MYO18B: variants seen among roughly 807,000 people sequenced by gnomAD.
The protein encoded by MYO18B is myosin XVIIIB.
Under a neutral mutation model 273.0 loss-of-function variants are expected in MYO18B, and 204 were observed. The observed-to-expected ratio is 0.75, with a 90% CI of 0.67 to 0.84. MYO18B has a LOEUF of 0.84. Among genes scored for constraint, MYO18B ranks in the 40% least tolerant of loss-of-function variants. The pLI is 0.00. For synonymous variants in MYO18B, 1,330 were observed against 1,305.7 expected (o/e 1.02, Z -0.40); for missense variants, 3,212 against 3,287.6 (o/e 0.98, Z 0.56).
intron 39 of MYO18B, among the ~76,000 whole-genome samples, chr22:25,956,492 A>G (rs970499504): frequency 6.6e-6 from 1 of 152,170 alleles, no homozygotes; most frequent in Non-Finnish European, 1.5e-5. Flanking sequence ...CTAGGATTAC[A>G]AGTGTGAGCC....
intron 18 of MYO18B, among the ~76,000 whole-genome samples, chr22:25,844,452 C>T (rs76535290): frequency 0.027 from 4,093 of 152,214 alleles, 56 homozygotes; most frequent in Non-Finnish European, 0.037. Context: ...GAAACTGAGA[C>T]GACCAGGGAG....
chr22:25,769,700 C>T (rs183731598), intron 4 of MYO18B, among the ~76,000 whole-genome samples: 41 of 152,230 alleles, frequency 2.7e-4, no homozygotes, highest in African/African-American at 9.4e-4. Context: ...TGTCTCCTCA[C>T]GGCTGACATG....
chr22:25,752,192 T>A (rs1372026110), intron 1 of MYO18B, among the ~76,000 whole-genome samples: 1 of 71,542 alleles, frequency 1.4e-5, no homozygotes, highest in African/African-American at 6.6e-5. Context: ...TAATTAATTT[T>A]TTTTTTTTTT....
At chr22:26,008,505 T>C (rs1210668509) in intron 42 of MYO18B, among the ~76,000 whole-genome samples, 1 of 152,212 alleles carries the variant, frequency 6.6e-6, no homozygotes, top group African/African-American at 2.4e-5. Context: ...AGCAGTCTTC[T>C]GCCAACAAAA....
Position 25,770,182 on chromosome 22 carries a change from T to G in MYO18B, c.1579+6T>G. ...GAAGGATGGATTTACTCTTGGTAAGTAGGGGTGTTAGCACCTTTGGAGGGT... is the reference window on the plus strand; with the variant it reads ...GAAGGATGGATTTACTCTTGGTAAGGAGGGGTGTTAGCACCTTTGGAGGGT... On this transcript the variant is annotated splice_donor_region_variant and intron_variant, in intron 5 of 43. Coordinates refer to ENST00000335473, the MANE Select transcript of MYO18B (RefSeq NM_032608.7). 6.2e-7 allele frequency: 1 copy of G among 1,613,816 alleles called. No homozygotes were observed. The highest frequency in any genetic ancestry group is 8.5e-7 in the Non-Finnish European group (1 of 1,179,748).
chr22:25,974,599 G>A (rs1383997698), intron 39 of MYO18B, among the ~76,000 whole-genome samples: 1 of 152,182 alleles, frequency 6.6e-6, no homozygotes, highest in African/African-American at 2.4e-5. Flanking sequence ...TGTCATTATA[G>A]CATGAAAGAA....
At chr22:25,816,127 A>G (rs1056452821) in intron 12 of MYO18B, among the ~76,000 whole-genome samples, 1 of 152,184 alleles carries the variant, frequency 6.6e-6, no homozygotes, top group Non-Finnish European at 1.5e-5. Flanking sequence ...TCTAAGAATG[A>G]GAAGGTTACA....
At chr22:25,912,244 C>G (rs138937155) in intron 33 of MYO18B, among the ~76,000 whole-genome samples, 18 of 152,270 alleles carry the variant, frequency 1.2e-4, no homozygotes, top group Admixed American at 1.1e-3. Context: ...TCCTTCTTCT[C>G]TGGGTTTTCT....
chr22:25,763,676 A>C lies in MYO18B; in HGVS notation c.198+287A>C, dbSNP rs133886. ...GTTGGCATAGTACTTATTTGATTATATGACTTATTTGACTAGAAATTCCTT... is the reference window on the plus strand; with the variant it reads ...GTTGGCATAGTACTTATTTGATTATCTGACTTATTTGACTAGAAATTCCTT... On this transcript the variant is annotated intron_variant, in intron 3 of 43. Transcript: ENST00000335473. Among the ~76,000 whole-genome samples, 37,499 of 152,070 alleles carry C rather than the reference A, an allele frequency of 0.25. 4,927 individuals are homozygous for C. The highest frequency in any genetic ancestry group is 0.33 in the African/African-American group (13,723 of 41,456).
intron 34 of MYO18B, 115 bp downstream of exon 34, chr22:25,921,524 C>G: frequency 4.6e-6 from 6 of 1,303,864 alleles, no homozygotes; most frequent in Non-Finnish European, 6.3e-6. Context: ...CCAACTTTCA[C>G]AGATGTGCAG....
At chr22:25,751,921 A>T (rs949626343) in intron 1 of MYO18B, among the ~76,000 whole-genome samples, 8 of 152,176 alleles carry the variant, frequency 5.3e-5, no homozygotes, top group African/African-American at 1.9e-4. Context: ...GTTACCAGGG[A>T]TCCAGCACAT....
At chr22:26,001,086 T>A (rs1167634196) in intron 40 of MYO18B, among the ~76,000 whole-genome samples, 1 of 152,160 alleles carries the variant, frequency 6.6e-6, no homozygotes, top group East Asian at 1.9e-4. Flanking sequence ...ACTGTTTTTT[T>A]TTTCTCCCAC....
At chr22:25,890,383 G>A (rs1033893114) in intron 25 of MYO18B, among the ~76,000 whole-genome samples, 2 of 152,170 alleles carry the variant, frequency 1.3e-5, no homozygotes, top group Non-Finnish European at 2.9e-5. Flanking sequence ...AGCTGGTTAC[G>A]AAGAGATTCC....
rs191974883 is a variant in MYO18B, at chr22:26,022,321, G to A, written c.6471-4124G>A. On this transcript the variant is annotated intron_variant, in intron 42 of 43. Transcript: ENST00000335473. Reference sequence around the variant, plus strand: ...GTCCCCGGATGAAGTCAGACAGGATGTGTTTGAAGTGTCCAGTGCTGGGAC... The same window carrying A: ...GTCCCCGGATGAAGTCAGACAGGATATGTTTGAAGTGTCCAGTGCTGGGAC... 2.2e-3 allele frequency among the ~76,000 whole-genome samples: 338 copies of A among 151,854 alleles called. 4 individuals carry two copies. The South Asian group carries it at 0.024, about 11-fold the overall frequency.
chr22:25,849,784 G>C (rs1342773227), intron 20 of MYO18B, among the ~76,000 whole-genome samples: 1 of 152,212 alleles, frequency 6.6e-6, no homozygotes, highest in Non-Finnish European at 1.5e-5. Flanking sequence ...GCTGAAGGCT[G>C]CTATGGGGCT....
intron 12 of MYO18B, among the ~76,000 whole-genome samples, chr22:25,801,708 C>G (rs116883690): frequency 0.02 from 3,055 of 152,300 alleles, 46 homozygotes; most frequent in Non-Finnish European, 0.034. Context: ...TCTCATTTTC[C>G]TGGGGCCATT....
intron 34 of MYO18B, among the ~76,000 whole-genome samples, chr22:25,935,052 C>T (rs1235846323): frequency 6.6e-6 from 1 of 152,174 alleles, no homozygotes; most frequent in African/African-American, 2.4e-5. Context: ...TTAAAATGCC[C>T]TCTGCCCTGA....
intron 32 of MYO18B, among the ~76,000 whole-genome samples, chr22:25,909,152 G>A (rs373402634): frequency 9.2e-5 from 14 of 152,150 alleles, no homozygotes; most frequent in South Asian, 6.2e-4. Flanking sequence ...AACCAGTGCC[G>A]AGATAAACAT....
chr22:25,852,102 G>A (rs1423514071), intron 21 of MYO18B, among the ~76,000 whole-genome samples: 1 of 152,180 alleles, frequency 6.6e-6, no homozygotes, highest in Non-Finnish European at 1.5e-5. Context: ...TATGAAAAGA[G>A]GGCTTCAGGG....
Sources: allele counts gnomAD v4.1 joint callset (sites outside exome capture counted in the v4.1 genomes callset), GRCh38; gene constraint gnomAD v4.1.1; transcripts MANE v1.5; gene names NCBI Gene and HGNC (gene_info 2026-07-23, HGNC 2026-07-21).